Variants in ATP6V1C1 observed in about 807,000 individuals in gnomAD.
ATP6V1C1 encodes the protein V-type proton ATPase subunit C 1.
ATP6V1C1 carries 45 observed loss-of-function variants against 53.9 expected under a neutral mutation model. The ratio of observed to expected loss-of-function variants is 0.83; its 90% CI spans 0.66 to 1.07. The LOEUF is 1.07. ATP6V1C1 is among the 50% of genes least tolerant of loss of function. The pLI, the probability that ATP6V1C1 is intolerant of heterozygous loss-of-function variation, is 0.00. For missense variants in ATP6V1C1, 315 were observed against 440.3 expected (o/e 0.72, Z 2.55); for synonymous variants, 153 against 155.2 (o/e 0.99, Z 0.11).
At chr8:103,052,967 C>T in intron 6 of ATP6V1C1, 145 bp downstream of exon 6, 1 of 470,792 alleles carries the variant, frequency 2.1e-6, no homozygotes, top group Non-Finnish European at 3.6e-6. Flanking sequence ...TGGAGAAAAG[C>T]TCACTAAGGT....
chr8:103,060,407 T>C (rs994645541), intron 8 of ATP6V1C1, among the ~76,000 whole-genome samples: 1 of 152,264 alleles, frequency 6.6e-6, no homozygotes, highest in East Asian at 1.9e-4. Flanking sequence ...ATCACCACTT[T>C]GGTGAAACTC....
chr8:103,041,622 A>G (rs1467570655), intron 2 of ATP6V1C1, among the ~76,000 whole-genome samples: 1 of 152,218 alleles, frequency 6.6e-6, no homozygotes, highest in Non-Finnish European at 1.5e-5. Context: ...CTGTAAACCT[A>G]GCACTTTGGG....
At chr8:103,027,116 A>G (rs1816710416) in intron 1 of ATP6V1C1, among the ~76,000 whole-genome samples, 1 of 152,202 alleles carries the variant, frequency 6.6e-6, no homozygotes, top group Non-Finnish European at 1.5e-5. Flanking sequence ...CGCACAGATC[A>G]ATTCTGTTAA....
chr8:103,064,645 A>G, intron 10 of ATP6V1C1, 69 bp from the exon 11 acceptor site: 2 of 1,307,988 alleles, frequency 1.5e-6, no homozygotes, highest in East Asian at 4.7e-5. Flanking sequence ...AGTCACTTAA[A>G]AAAATATTTG....
intron 11 of ATP6V1C1, among the ~76,000 whole-genome samples, chr8:103,066,079 G>A (rs867436057): frequency 6.6e-6 from 1 of 152,130 alleles, no homozygotes; most frequent in Non-Finnish European, 1.5e-5. Flanking sequence ...GTAATTCCTA[G>A]TAATTGGCGT....
rs72669341 is a variant in ATP6V1C1, at chr8:103,052,368, A to C, written c.382-363A>C. 6.2e-3 allele frequency among the ~76,000 whole-genome samples: 951 copies of C among 152,200 alleles called. 7 individuals carry two copies. The highest frequency in any genetic ancestry group is 0.017 in the Middle Eastern group (5 of 294). On this transcript the variant is annotated intron_variant, in intron 5 of 12. Transcript: ENST00000518738. ...ATGTTTGCAGTAGTCAAAACTCTTC[A>C]TGTAATTTAGTTTACTTTGGAAAAT...
At chr8:103,068,069 C>G (rs57362016) in intron 12 of ATP6V1C1, among the ~76,000 whole-genome samples, 296 of 152,244 alleles carry the variant, frequency 1.9e-3, no homozygotes, top group African/African-American at 6.9e-3. Flanking sequence ...CAGCCTCAAC[C>G]TCTATGCTCA....
intron 3 of ATP6V1C1, among the ~76,000 whole-genome samples, chr8:103,047,191 A>G (rs1451554445): frequency 2.0e-5 from 3 of 152,020 alleles, no homozygotes; most frequent in Non-Finnish European, 2.9e-5. Context: ...TCAGCATAGG[A>G]TTGTCATTTA....
At chr8:103,060,073 G>T (rs1817370070) in intron 8 of ATP6V1C1, among the ~76,000 whole-genome samples, 2 of 151,078 alleles carry the variant, frequency 1.3e-5, no homozygotes. Flanking sequence ...GTTCAAGTGA[G>T]TCTCCTTCCC....
At chr8:103,045,267 T>C (rs777893078) in intron 3 of ATP6V1C1, among the ~76,000 whole-genome samples, 117 of 152,228 alleles carry the variant, frequency 7.7e-4, no homozygotes, top group Non-Finnish European at 1.4e-3. Flanking sequence ...CTGAAAGCGA[T>C]GCTGTGGCAA....
Position 103,066,301 on chromosome 8 carries a change from T to C in ATP6V1C1, c.927-20T>C, listed in dbSNP as rs1197708772. The C allele has an allele frequency of 1.3e-6, 2 of 1,596,934 alleles. No individual in the cohort carries two copies. The highest frequency in any genetic ancestry group is 3.7e-5 in the Admixed American group (2 of 54,718). On this transcript the variant is annotated intron_variant, in intron 11 of 12. Coordinates refer to ENST00000518738, the MANE Select transcript of ATP6V1C1 (RefSeq NM_001695.5). ...ACATGTTTGCTTGTATTGCGTACTG[T>C]ATTTCTGCTTTTTTGTAAGGTATGG...
intron 2 of ATP6V1C1, among the ~76,000 whole-genome samples, chr8:103,041,447 A>T (rs1816999181): frequency 6.6e-6 from 1 of 152,202 alleles, no homozygotes. Context: ...AGCAGCCTCA[A>T]AGTAAAGCAG....
At chr8:103,047,907 G>A (rs540881208) in intron 3 of ATP6V1C1, among the ~76,000 whole-genome samples, 3 of 152,168 alleles carry the variant, frequency 2.0e-5, no homozygotes, top group Non-Finnish European at 4.4e-5. Context: ...TCTGCAACCT[G>A]GCAATCTCAG....
At chr8:103,054,924 A>G (rs1398271) in intron 7 of ATP6V1C1, among the ~76,000 whole-genome samples, 19,278 of 152,072 alleles carry the variant, frequency 0.13, 1,380 homozygotes, top group Middle Eastern at 0.16. Flanking sequence ...TGGAATTTAC[A>G]GTGGCTACAG....
intron 3 of ATP6V1C1, among the ~76,000 whole-genome samples, chr8:103,047,911 A>G (rs1253849117): frequency 6.6e-6 from 1 of 152,120 alleles, no homozygotes; most frequent in Non-Finnish European, 1.5e-5. Context: ...CAACCTGGCA[A>G]TCTCAGCTGG....
chr8:103,053,757 A>G (rs1817241003), intron 6 of ATP6V1C1, 127 bp from the exon 7 acceptor site: 1 of 651,586 alleles, frequency 1.5e-6, no homozygotes, highest in African/African-American at 1.9e-5. Context: ...CAAAGTAAAA[A>G]TGTTGACTAA....
At chr8:103,047,333 G>A (rs1817115311) in intron 3 of ATP6V1C1, among the ~76,000 whole-genome samples, 1 of 149,474 alleles carries the variant, frequency 6.7e-6, no homozygotes, top group Non-Finnish European at 1.5e-5. Flanking sequence ...CTTGAGCCCA[G>A]ATGTTCAAAG....
At chr8:103,035,890 G>A (rs542317688) in intron 1 of ATP6V1C1, among the ~76,000 whole-genome samples, 14 of 152,232 alleles carry the variant, frequency 9.2e-5, no homozygotes, top group African/African-American at 3.1e-4. Context: ...GTGTCCTTTC[G>A]TTTGGAGGAA....
chr8:103,046,998 C>A (rs1005916143), intron 3 of ATP6V1C1, among the ~76,000 whole-genome samples: 7 of 152,102 alleles, frequency 4.6e-5, no homozygotes, highest in Non-Finnish European at 8.8e-5. Context: ...ATGTTCGTAG[C>A]AAATGGTTCT....
Sources: allele counts gnomAD v4.1 joint callset (sites outside exome capture counted in the v4.1 genomes callset), GRCh38; gene constraint gnomAD v4.1.1; transcripts MANE v1.5; gene names NCBI Gene and HGNC (gene_info 2026-07-23, HGNC 2026-07-21).